The following DLG2 variants were observed in gnomAD, a reference collection of about 807,000 sequenced individuals.
DLG2 encodes the protein discs large MAGUK scaffold protein 2, also known as disks large homolog 2.
In DLG2, 45 loss-of-function variants were observed where a neutral mutation model predicts 132.5. The observed-to-expected ratio is 0.34, with a 90% CI of 0.27 to 0.44. The LOEUF (loss-of-function observed/expected upper bound fraction) is 0.44, where lower values mean the gene tolerates loss of function less well. Ranked by LOEUF, DLG2 falls within the 20% of genes least tolerant of loss-of-function variation. The pLI, the probability that DLG2 is intolerant of heterozygous loss-of-function variation, is 1.00. For synonymous variants in DLG2, 424 were observed against 419.6 expected (o/e 1.01, Z -0.13); for missense variants, 1,045 against 1,196.9 (o/e 0.87, Z 1.87).
chr11:85,587,166 A>G (rs2079025335), intron 3 of DLG2, among the ~76,000 whole-genome samples: 1 of 152,120 alleles, frequency 6.6e-6, no homozygotes, highest in Admixed American at 6.5e-5. Flanking sequence ...AGTAGAATGT[A>G]TATTCTGCGG....
At chr11:83,542,936 G>A (rs1252327642) in intron 19 of DLG2, among the ~76,000 whole-genome samples, 1 of 152,040 alleles carries the variant, frequency 6.6e-6, no homozygotes, top group Admixed American at 6.6e-5. Context: ...AGCAAGATCT[G>A]GGGAACAGAT....
chr11:84,335,549 T>A (rs1236951117), intron 7 of DLG2, among the ~76,000 whole-genome samples: 1 of 152,178 alleles, frequency 6.6e-6, no homozygotes, highest in Non-Finnish European at 1.5e-5. Flanking sequence ...TACATGCTGA[T>A]GATTTACGTT....
chr11:83,509,835 G>A (rs1258781340), intron 21 of DLG2, among the ~76,000 whole-genome samples: 4 of 152,060 alleles, frequency 2.6e-5, no homozygotes, highest in East Asian at 3.9e-4. Context: ...GCTGAGAGAT[G>A]TGAGACCTGG....
At chr11:84,441,488 T>TA (rs2099017210) in intron 7 of DLG2, among the ~76,000 whole-genome samples, 1 of 152,168 alleles carries the variant, frequency 6.6e-6, no homozygotes, top group African/African-American at 2.4e-5. Flanking sequence ...AATATGTACA[T>TA]AATATTTAAC....
chr11:85,352,653 A>C (rs1052641960), intron 3 of DLG2, among the ~76,000 whole-genome samples: 4 of 152,174 alleles, frequency 2.6e-5, no homozygotes, highest in Non-Finnish European at 5.9e-5. Context: ...AGACCAGTGG[A>C]ACAGAACAGA....
chr11:84,650,869 G>T (rs555171458), intron 6 of DLG2, among the ~76,000 whole-genome samples: 7 of 121,658 alleles, frequency 5.8e-5, no homozygotes, highest in Non-Finnish European at 9.7e-5. Flanking sequence ...GTGTGTGTGT[G>T]TGTGTATATA....
intron 4 of DLG2, among the ~76,000 whole-genome samples, chr11:85,208,768 A>T (rs2082062195): frequency 6.6e-6 from 1 of 152,146 alleles, no homozygotes; most frequent in Admixed American, 6.6e-5. Flanking sequence ...AGAACCAGGG[A>T]GTCCTTAGTA....
At chr11:85,112,026 C>T (rs490286) in intron 5 of DLG2, among the ~76,000 whole-genome samples, 99,982 of 151,930 alleles carry the variant, frequency 0.66, 33,708 homozygotes, top group East Asian at 0.93. Context: ...AGAACTCTTA[C>T]AACCCATAGG....
chr11:85,403,385 A>C (rs1234216376), intron 3 of DLG2, among the ~76,000 whole-genome samples: 1 of 152,110 alleles, frequency 6.6e-6, no homozygotes, highest in East Asian at 1.9e-4. Context: ...GAAATACCTA[A>C]TGTAAATGAT....
intron 4 of DLG2, among the ~76,000 whole-genome samples, chr11:85,201,439 C>A (rs2081451088): frequency 6.6e-6 from 1 of 151,928 alleles, no homozygotes; most frequent in Non-Finnish European, 1.5e-5. Flanking sequence ...GGCCAGCTTT[C>A]CCACACAGCC....
At chr11:83,785,620 G>A (rs571310726) in intron 18 of DLG2, among the ~76,000 whole-genome samples, 2 of 152,314 alleles carry the variant, frequency 1.3e-5, no homozygotes, top group South Asian at 4.1e-4. Context: ...AAAGTAACAT[G>A]TCAAAACATG....
chr11:83,986,851 A>G (rs1041230838), intron 11 of DLG2, among the ~76,000 whole-genome samples: 42 of 152,138 alleles, frequency 2.8e-4, no homozygotes, highest in Non-Finnish European at 4.3e-4. Context: ...GGCTGCATAA[A>G]TGTCTTCTTT....
chr11:83,541,904 C>A (rs761306175), intron 19 of DLG2, 46 bp from the exon 20 acceptor site: 1 of 1,530,770 alleles, frequency 6.5e-7, no homozygotes, highest in South Asian at 1.3e-5. Context: ...TCTCTGGCAG[C>A]ACAGATTTAG....
chr11:85,537,729 G>C (rs767766880), intron 3 of DLG2, among the ~76,000 whole-genome samples: 2 of 151,962 alleles, frequency 1.3e-5, no homozygotes, highest in Non-Finnish European at 2.9e-5. Context: ...CTTCACTCCT[G>C]AAGTCAGTGA....
At chr11:85,243,655 G>A (rs925551695) in intron 4 of DLG2, among the ~76,000 whole-genome samples, 1 of 151,856 alleles carries the variant, frequency 6.6e-6, no homozygotes, top group Non-Finnish European at 1.5e-5. Flanking sequence ...AAGTCAAAGA[G>A]AAAAGAGTCA....
intron 8 of DLG2, among the ~76,000 whole-genome samples, chr11:84,211,015 G>C (rs899888208): frequency 1.3e-4 from 20 of 151,982 alleles, no homozygotes; most frequent in Admixed American, 1.0e-3. Context: ...GTAAGGAAAA[G>C]AAAAGCTCTG....
intron 10 of DLG2, among the ~76,000 whole-genome samples, chr11:84,097,307 C>G (rs1010657920): frequency 6.6e-6 from 1 of 152,138 alleles, no homozygotes; most frequent in African/African-American, 2.4e-5. Context: ...TGAAAAATTT[C>G]TCTCCCTTGG....
chr11:84,197,566 A>T (rs1000933216), intron 8 of DLG2, among the ~76,000 whole-genome samples: 5 of 152,218 alleles, frequency 3.3e-5, no homozygotes, highest in African/African-American at 1.2e-4. Flanking sequence ...GTCAAGACAC[A>T]ATTAAAATTT....
intron 6 of DLG2, among the ~76,000 whole-genome samples, chr11:84,538,400 T>A (rs928485448): frequency 2.0e-5 from 3 of 152,186 alleles, no homozygotes; most frequent in African/African-American, 7.2e-5. Context: ...TTCAGGAACA[T>A]TACCCTTAGG....
Sources: gnomAD v4.1 joint callset for allele counts (sites outside exome capture counted in the v4.1 genomes callset) on GRCh38, gnomAD v4.1.1 for gene constraint, MANE v1.5 for transcripts, NCBI Gene and HGNC (gene_info 2026-07-23, HGNC 2026-07-21) for gene names.